HNRNPLL: variants seen among roughly 807,000 people sequenced by gnomAD.
The protein encoded by HNRNPLL is heterogeneous nuclear ribonucleoprotein L like.
Under a neutral mutation model 67.1 loss-of-function variants are expected in HNRNPLL, and 25 were observed. The ratio of observed to expected loss-of-function variants is 0.37; its 90% CI spans 0.27 to 0.52. HNRNPLL has a LOEUF of 0.52. HNRNPLL is among the 20% of genes least tolerant of loss of function. The pLI, the probability that HNRNPLL is intolerant of heterozygous loss-of-function variation, is 0.90. For missense variants in HNRNPLL, 542 were observed against 673.9 expected, an observed-to-expected ratio of 0.80 and a Z score of 2.17; for synonymous variants, 267 against 241.7, an observed-to-expected ratio of 1.10 and a Z score of -0.97.
chr2:38,600,457 T>C (rs576749912), intron 1 of HNRNPLL, among the ~76,000 whole-genome samples: 2 of 152,264 alleles, frequency 1.3e-5, no homozygotes, highest in African/African-American at 2.4e-5. Context: ...CCAGGTGCGG[T>C]GGCTCACGGC....
At chr2:38,584,469 G>A (rs1666649210) in intron 3 of HNRNPLL, among the ~76,000 whole-genome samples, 1 of 152,086 alleles carries the variant, frequency 6.6e-6, no homozygotes, top group Non-Finnish European at 1.5e-5. Context: ...CCTATTTTAT[G>A]TCCTAAATGA....
chr2:38,593,818 G>T (rs867844574), intron 1 of HNRNPLL, among the ~76,000 whole-genome samples: 1 of 151,282 alleles, frequency 6.6e-6, no homozygotes, highest in African/African-American at 2.4e-5. Context: ...AGCCGAGATT[G>T]TGCCACTGCA....
chr2:38,570,982 C>T (rs893184196), intron 8 of HNRNPLL, among the ~76,000 whole-genome samples: 1 of 152,080 alleles, frequency 6.6e-6, no homozygotes, highest in Non-Finnish European at 1.5e-5. Context: ...GAGCTAGAGG[C>T]TGAAGTAATC....
rs1279397259 is a variant in HNRNPLL at position 38,582,040 on chromosome 2, T to G, written c.729+32A>C. On this transcript the variant is annotated intron_variant, in intron 5 of 12. Transcript: ENST00000449105. The stretch of plus-strand genomic sequence containing the variant: ...AACTGCATATCCAAAGCATAAATAT[T>G]TCTTGGGTAGGGTGTTGAAAAAAAT... 3.7e-6 allele frequency: 6 copies of G among 1,601,160 alleles called. No homozygotes were observed. In the Admixed American group the frequency reaches 5.0e-5, roughly 13 times the overall value.
intron 3 of HNRNPLL, among the ~76,000 whole-genome samples, chr2:38,584,178 A>T (rs113930098): frequency 7.2e-4 from 110 of 152,306 alleles, no homozygotes; most frequent in African/African-American, 2.5e-3. Flanking sequence ...CTCCCGCCTC[A>T]GCCTCCCGAG....
At chr2:38,571,102 G>T (rs1573724254) in intron 8 of HNRNPLL, among the ~76,000 whole-genome samples, 1 of 151,940 alleles carries the variant, frequency 6.6e-6, no homozygotes, top group Non-Finnish European at 1.5e-5. Context: ...GATAGATAGA[G>T]AGACAGAGAC....
At chr2:38,596,017 A>T (rs1667174588) in intron 1 of HNRNPLL, among the ~76,000 whole-genome samples, 1 of 151,950 alleles carries the variant, frequency 6.6e-6, no homozygotes, top group African/African-American at 2.4e-5. Flanking sequence ...TCTATTTTTA[A>T]ATTATGTCCC....
intron 1 of HNRNPLL, among the ~76,000 whole-genome samples, chr2:38,597,794 T>G (rs1667264046): frequency 6.6e-6 from 1 of 151,964 alleles, no homozygotes; most frequent in African/African-American, 2.4e-5. Context: ...GGTTTAGCAA[T>G]TCTCTGCCTC....
rs1227485484 is a variant in HNRNPLL, at chr2:38,562,769, T to A, written c.*1413A>T. The A allele has an allele frequency of 6.6e-6, 1 of 152,042 alleles. No homozygotes were observed. The highest frequency in any genetic ancestry group is 1.5e-5 in the Non-Finnish European group (1 of 67,926). 9.4% of individuals were successfully genotyped at this position (152,042 alleles called of 1,614,324 possible). A position where few individuals can be genotyped will look rare whatever the true frequency, so the allele number is the denominator to read the frequency against. On this transcript the variant is annotated 3_prime_UTR_variant, in exon 13 of 13. Transcript: ENST00000449105. The stretch of plus-strand genomic sequence containing the variant: ...AGGGCTAAATGCTGGTCCACTGCCA[T>A]CAAAATGAGGGGAAATAAATGTTAA...
intron 8 of HNRNPLL, among the ~76,000 whole-genome samples, chr2:38,571,187 T>A (rs867453850): frequency 6.6e-6 from 1 of 152,134 alleles, no homozygotes; most frequent in Admixed American, 6.6e-5. Flanking sequence ...TGTACATACA[T>A]ACCTATGATA....
At chr2:38,584,011 C>A in intron 3 of HNRNPLL, 85 bp from the exon 4 acceptor site, 1 of 542,736 alleles carries the variant, frequency 1.8e-6, no homozygotes, top group Non-Finnish European at 3.3e-6. Context: ...TACCTAAAAA[C>A]TATCAACTGT....
At chr2:38,583,609 G>A (rs1291205637) in intron 4 of HNRNPLL, among the ~76,000 whole-genome samples, 1 of 152,164 alleles carries the variant, frequency 6.6e-6, no homozygotes, top group East Asian at 1.9e-4. Flanking sequence ...TCTTCAAATA[G>A]TGTTATTTAA....
In HNRNPLL at chr2:38,564,050, T is replaced by A; in HGVS notation, c.*132A>T. Reference sequence around the variant, plus strand: ...CAACAAATTTACTCAAGGCAAAATATGTTTATTACAGAACAGGATCTTAAA... The same window carrying A: ...CAACAAATTTACTCAAGGCAAAATAAGTTTATTACAGAACAGGATCTTAAA... On this transcript the variant is annotated 3_prime_UTR_variant, in exon 13 of 13. Transcript: ENST00000449105. 1 of 652,162 alleles carries A rather than the reference T, an allele frequency of 1.5e-6. No homozygotes were observed. The highest frequency in any genetic ancestry group is 2.8e-6 in the Non-Finnish European group (1 of 359,586). 40.4% of individuals were successfully genotyped at this position (652,162 alleles called of 1,614,324 possible). A position where few individuals can be genotyped will look rare whatever the true frequency, so the allele number is the denominator to read the frequency against.
chr2:38,573,283 C>T lies in HNRNPLL; in HGVS notation c.1019G>A (p.Ser340Asn), dbSNP rs1238794229. The T allele has an allele frequency of 1.9e-6, 3 of 1,611,812 alleles. No homozygotes were observed. The South Asian group carries it at 3.3e-5, about 18-fold the overall frequency. The change falls in exon 8 of 13, where the codon AGT becomes AAT. Residue 340 changes from serine (S) to asparagine (N), a missense_variant. Physicochemically the swap from Ser to Asn is conservative, Grantham distance 46. Coordinates refer to ENST00000449105, the MANE Select transcript of HNRNPLL (RefSeq NM_138394.4). ...GNPSGSVVMV[S>N]GLHQLKMNCS... ...ATTCATTTTTAGTTGATGTAATCCA[C>T]TAACCATTACAACTGAACCAGAGGG... is the stretch of plus-strand genomic sequence containing the variant.
rs1345502533 is a variant in HNRNPLL at position 38,602,579 on chromosome 2, C to T, written c.48G>A (p.Arg16=). 3.8e-6 allele frequency: 6 copies of T among 1,573,978 alleles called. No homozygotes were observed. Among genetic ancestry groups the T allele is most frequent in the African/African-American group, 1.4e-5 (1 of 73,652 alleles). The stretch of plus-strand genomic sequence containing the variant: ...GACGCTTGGCCTGGCTCTCGTACTC[C>T]CGGTCCTCCTCGTACGTCTCCCTGG... The part of the protein sequence containing the change: ...SSPRETYEED[R]EYESQAKRLK... The change falls in exon 1 of 13, where the codon CGG becomes CGA. Residue 16 remains arginine (R), a synonymous_variant. Transcript: ENST00000449105.
chr2:38,581,165 T>C (rs1558536924), intron 6 of HNRNPLL: 1 of 152,236 alleles, frequency 6.6e-6, no homozygotes, highest in Non-Finnish European at 1.5e-5. Context: ...TCCTGGTTAT[T>C]TGCCAATTAA....
chr2:38,583,673 T>C (rs1380606771), intron 4 of HNRNPLL, among the ~76,000 whole-genome samples, 168 bp downstream of exon 4: 1 of 152,214 alleles, frequency 6.6e-6, no homozygotes, highest in Non-Finnish European at 1.5e-5. Context: ...ATTCTTATCA[T>C]AAATAGTAAA....
At chr2:38,588,308 G>A (rs1168254872) in intron 2 of HNRNPLL, among the ~76,000 whole-genome samples, 2 of 152,252 alleles carry the variant, frequency 1.3e-5, no homozygotes, top group East Asian at 3.9e-4. Context: ...CCAGCACTTT[G>A]GGAGGCGGAG....
chr2:38,597,592 G>A (rs949722761), intron 1 of HNRNPLL, among the ~76,000 whole-genome samples: 1 of 152,078 alleles, frequency 6.6e-6, no homozygotes, highest in Non-Finnish European at 1.5e-5. Context: ...CTAAAACATA[G>A]GGAAACTAAC....
Sources: gnomAD v4.1 joint callset for allele counts (sites outside exome capture counted in the v4.1 genomes callset) on GRCh38, gnomAD v4.1.1 for gene constraint, MANE v1.5 for transcripts, NCBI Gene and HGNC (gene_info 2026-07-23, HGNC 2026-07-21) for gene names.